The following FOXP1 variants were observed in gnomAD, a reference collection of about 807,000 sequenced individuals.
FOXP1 encodes the protein forkhead box P1.
A neutral mutation model predicts 98.2 loss-of-function variants in FOXP1; 15 were observed. That is an observed-to-expected ratio of 0.15 (90% CI 0.10 to 0.24). The LOEUF is 0.24. FOXP1 is among the 10% of genes least tolerant of loss of function. The pLI, the probability that FOXP1 is intolerant of heterozygous loss-of-function variation, is 1.00. For synonymous variants in FOXP1, 371 were observed against 314.5 expected (o/e 1.18, Z -1.90); for missense variants, 633 against 848.5 (o/e 0.75, Z 3.15).
At chr3:71,459,051 C>T (rs550504122) in intron 3 of FOXP1, among the ~76,000 whole-genome samples, 1 of 152,196 alleles carries the variant, frequency 6.6e-6, no homozygotes, top group South Asian at 2.1e-4. Flanking sequence ...TCTGCTCTCA[C>T]TTTTGACATT....
chr3:70,966,372 T>G, intron 19 of FOXP1: 1 of 380,332 alleles, frequency 2.6e-6, no homozygotes, highest in South Asian at 2.4e-5. Flanking sequence ...GGATGCGTTT[T>G]TAAGAGGAGC....
At chr3:71,100,916 G>A (rs992480662) in intron 7 of FOXP1, among the ~76,000 whole-genome samples, 3 of 152,086 alleles carry the variant, frequency 2.0e-5, no homozygotes, top group African/African-American at 4.8e-5. Flanking sequence ...GATACATAAC[G>A]GTTCTGAAGA....
intron 7 of FOXP1, among the ~76,000 whole-genome samples, chr3:71,105,713 C>A (rs2057366072): frequency 6.6e-6 from 1 of 152,050 alleles, no homozygotes; most frequent in Non-Finnish European, 1.5e-5. Flanking sequence ...TAAGAAATAA[C>A]TTTGCTTTGC....
intron 2 of FOXP1, among the ~76,000 whole-genome samples, chr3:71,519,036 G>A (rs563943470): frequency 1.9e-4 from 29 of 152,296 alleles, no homozygotes; most frequent in Admixed American, 2.0e-4. Flanking sequence ...GCCTGAGATC[G>A]GGAATTTGAG....
chr3:70,985,577 C>T (rs1390337071), intron 14 of FOXP1, among the ~76,000 whole-genome samples: 1 of 152,092 alleles, frequency 6.6e-6, no homozygotes, highest in African/African-American at 2.4e-5. Flanking sequence ...CAGAGTGTCA[C>T]ACAATATCTG....
chr3:71,143,530 C>T (rs568934721), intron 6 of FOXP1, among the ~76,000 whole-genome samples: 17 of 152,290 alleles, frequency 1.1e-4, no homozygotes, highest in Admixed American at 3.9e-4. Context: ...ACCACAGTTT[C>T]CTCATATGTA....
At chr3:71,041,875 A>G (rs772453339) in intron 10 of FOXP1, among the ~76,000 whole-genome samples, 12 of 152,222 alleles carry the variant, frequency 7.9e-5, no homozygotes, top group Non-Finnish European at 1.5e-4. Flanking sequence ...TTAGACACAA[A>G]GAAGGGCTCA....
chr3:71,141,266 C>CAAAA (rs71621921), intron 6 of FOXP1, among the ~76,000 whole-genome samples: 13 of 71,850 alleles, frequency 1.8e-4, no homozygotes, highest in African/African-American at 2.8e-4. Context: ...GACTCTGTCT[C>CAAAA]AAAAAAAAAA....
chr3:71,212,721 T>A (rs7630538), intron 5 of FOXP1, among the ~76,000 whole-genome samples: 108,945 of 152,074 alleles, frequency 0.72, 39,612 homozygotes, highest in Admixed American at 0.77. Context: ...CTTTTATTAA[T>A]CCAACCTTTT....
chr3:71,185,052 G>A (rs1407825293), intron 6 of FOXP1, among the ~76,000 whole-genome samples: 1 of 152,040 alleles, frequency 6.6e-6, no homozygotes, highest in Non-Finnish European at 1.5e-5. Context: ...AATTAGCCAG[G>A]TGTGGTGGCA....
At chr3:71,557,973 C>T (rs1484264053) in intron 2 of FOXP1, among the ~76,000 whole-genome samples, 1 of 152,204 alleles carries the variant, frequency 6.6e-6, no homozygotes, top group Admixed American at 6.5e-5. Context: ...TGAGCCACCA[C>T]ATCTGGCTGA....
At position 71,248,558 on chromosome 3, in the gene FOXP1, T is replaced by C. The variant is rs530441193; in HGVS notation, c.-11-50166A>G. Among the ~76,000 whole-genome samples the C allele has an allele frequency of 3.9e-5, 6 of 152,118 alleles. No individual in the cohort carries two copies. The South Asian group carries it at 1.0e-3, about 26-fold the overall frequency. On this transcript the variant is annotated intron_variant, in intron 5 of 20. Coordinates refer to ENST00000649528, the MANE Select transcript of FOXP1 (RefSeq NM_001349338.3). ...GAGTTCAAGACCAGCCTGACCAACA[T>C]GGTGAAACCCTGTCTCTACTAAAAA...
chr3:71,006,092 T>C (rs62257222), intron 12 of FOXP1, among the ~76,000 whole-genome samples: 9 of 152,048 alleles, frequency 5.9e-5, no homozygotes, highest in South Asian at 4.1e-4. Context: ...GAGTTGAAAT[T>C]TGAAGCAAGG....
At chr3:71,416,095 C>G (rs1026605050) in intron 3 of FOXP1, among the ~76,000 whole-genome samples, 7 of 152,110 alleles carry the variant, frequency 4.6e-5, no homozygotes, top group Non-Finnish European at 7.4e-5. Context: ...ACAGAAAGAA[C>G]CTGTAAAGTT....
intron 5 of FOXP1, among the ~76,000 whole-genome samples, chr3:71,249,394 C>T (rs1056486044): frequency 3.9e-5 from 6 of 152,212 alleles, no homozygotes; most frequent in Non-Finnish European, 8.8e-5. Flanking sequence ...TTAAATATGC[C>T]GGCAGTTATA....
intron 14 of FOXP1, among the ~76,000 whole-genome samples, chr3:70,985,446 T>C (rs143549555): frequency 9.5e-4 from 144 of 152,304 alleles, no homozygotes; most frequent in Middle Eastern, 3.4e-3. Context: ...CTACCTTTTA[T>C]AATTAATTTC....
chr3:71,238,683 C>T (rs1210418253), intron 5 of FOXP1, among the ~76,000 whole-genome samples: 2 of 152,204 alleles, frequency 1.3e-5, no homozygotes, highest in Non-Finnish European at 2.9e-5. Context: ...TTCTAGACCA[C>T]AGCTGTAGCT....
At chr3:71,397,104 A>ATATATATATG (rs1553871696) in intron 3 of FOXP1, among the ~76,000 whole-genome samples, 1 of 112,870 alleles carries the variant, frequency 8.9e-6, no homozygotes, top group African/African-American at 3.3e-5. Flanking sequence ...ATATATACAT[A>ATATATATATG]TATATATATG....
intron 7 of FOXP1, among the ~76,000 whole-genome samples, chr3:71,094,627 A>G (rs754905970): frequency 4.6e-5 from 7 of 152,182 alleles, no homozygotes; most frequent in Admixed American, 1.3e-4. Context: ...CTTCCCACTA[A>G]AAGTTTCAGG....
Sources: gnomAD v4.1 joint callset for allele counts (sites outside exome capture counted in the v4.1 genomes callset) on GRCh38, gnomAD v4.1.1 for gene constraint, MANE v1.5 for transcripts, NCBI Gene and HGNC (gene_info 2026-07-23, HGNC 2026-07-21) for gene names.